Variants in GLIS3 observed in about 807,000 individuals in gnomAD.
GLIS3 encodes GLIS family zinc finger 3, also known as zinc finger protein GLIS3.
Under a neutral mutation model 78.6 loss-of-function variants are expected in GLIS3, and 53 were observed. The observed-to-expected ratio is 0.67, with a 90% confidence interval of 0.54 to 0.85. GLIS3 has a LOEUF of 0.85. GLIS3 is among the 40% of genes least tolerant of loss of function. The probability of loss-of-function intolerance (pLI) is 0.00; values close to 1 mark genes in which losing one functional copy is unlikely to be tolerated. For synonymous variants in GLIS3, 684 were observed against 509.9 expected (o/e 1.34, Z -4.60); for missense variants, 1,703 against 1,231.1 (o/e 1.38, Z -5.74).
At chr9:3,961,596 G>A (rs562725502) in intron 4 of GLIS3, among the ~76,000 whole-genome samples, 175 of 152,332 alleles carry the variant, frequency 1.1e-3, no homozygotes, top group African/African-American at 4.1e-3. Flanking sequence ...GAAACTTGCT[G>A]TGAGGAAATA....
the GLIS3 span, among the ~76,000 whole-genome samples, chr9:4,421,353 A>C: frequency 1.3e-5 from 2 of 152,234 alleles, no homozygotes; most frequent in African/African-American, 4.8e-5. Flanking sequence ...GCTGTCAAGC[A>C]AAAGACATTG....
chr9:3,862,121 G>A (rs1395658015), intron 8 of GLIS3, among the ~76,000 whole-genome samples: 1 of 152,082 alleles, frequency 6.6e-6, no homozygotes, highest in African/African-American at 2.4e-5. Context: ...GTTGGAAAGG[G>A]CACTGGAGCA....
intron 4 of GLIS3, among the ~76,000 whole-genome samples, chr9:3,962,624 A>G (rs945384456): frequency 6.6e-6 from 1 of 152,152 alleles, no homozygotes; most frequent in Admixed American, 6.5e-5. Context: ...CATGCCTTTG[A>G]GCAGTTTTTT....
chr9:4,434,587 G>A, the GLIS3 span, among the ~76,000 whole-genome samples: 2 of 152,172 alleles, frequency 1.3e-5, no homozygotes, highest in African/African-American at 2.4e-5. Flanking sequence ...GGGGGTGATA[G>A]GTGGGTGAGT....
chr9:4,429,325 A>C, the GLIS3 span, among the ~76,000 whole-genome samples: 3 of 146,932 alleles, frequency 2.0e-5, no homozygotes, highest in African/African-American at 5.0e-5. Flanking sequence ...CATGCCCCCA[A>C]CTCTCCCTTA....
rs1817805885 is a variant in GLIS3 at position 3,827,805 on chromosome 9, T to C, written c.*467A>G. ...GACCACACTATGCTTTGGACATGGA[T>C]TTCCCTTGTTGTGCCTGGCTTTGCA... On this transcript the variant is annotated 3_prime_UTR_variant, in exon 11 of 11. Coordinates refer to ENST00000381971, the MANE Select transcript of GLIS3 (RefSeq NM_001042413.2). 1 of 228,918 alleles carries C rather than the reference T, an allele frequency of 4.4e-6. No individual in the cohort carries two copies. The highest frequency in any genetic ancestry group is 6.9e-5 in the South Asian group (1 of 14,410). 14.2% of individuals were successfully genotyped at this position (228,918 alleles called of 1,614,324 possible).
chr9:3,900,186 T>TAA (rs112638097), intron 6 of GLIS3, among the ~76,000 whole-genome samples: 14 of 128,864 alleles, frequency 1.1e-4, no homozygotes, highest in East Asian at 4.4e-4. Context: ...CAGAAACTGT[T>TAA]AAAAAAAAAA....
intron 1 of GLIS3, among the ~76,000 whole-genome samples, chr9:4,291,537 A>G (rs1815977294): frequency 6.6e-6 from 1 of 152,166 alleles, no homozygotes; most frequent in African/African-American, 2.4e-5. Context: ...TTAAATTTAA[A>G]TTAATGGCTA....
intron 4 of GLIS3, among the ~76,000 whole-genome samples, chr9:4,008,183 A>C (rs1017219057): frequency 2.0e-5 from 3 of 152,210 alleles, no homozygotes; most frequent in Non-Finnish European, 4.4e-5. Flanking sequence ...TACACAGCTC[A>C]GAGGGATGCT....
chr9:4,330,500 G>A (rs190076249), intron 2 of GLIS3, among the ~76,000 whole-genome samples: 1 of 152,212 alleles, frequency 6.6e-6, no homozygotes, highest in Non-Finnish European at 1.5e-5. Context: ...AGATCCCAGA[G>A]AAATTAAACA....
chr9:3,830,975 T>A (rs186386023), intron 9 of GLIS3, among the ~76,000 whole-genome samples: 7 of 152,192 alleles, frequency 4.6e-5, no homozygotes, highest in African/African-American at 1.7e-4. Context: ...ATGGTTGTTA[T>A]GAATATTGCC....
rs1196475614 is a variant in GLIS3, at chr9:3,965,179, C to CTTTCT, written c.1711-27995_1711-27991dup. The stretch of plus-strand genomic sequence containing the variant: ...CCTTTACCCTACTTCTTTTCTATTT[C>CTTTCT]TTTCTTTTCTTTTCTTTTTTTTTTT... On this transcript the variant is annotated intron_variant, in intron 4 of 10. Coordinates refer to ENST00000381971, the MANE Select transcript of GLIS3 (RefSeq NM_001042413.2). 6.1e-4 allele frequency among the ~76,000 whole-genome samples: 79 copies of CTTTCT among 129,638 alleles called. No homozygotes were observed. The East Asian group carries it at 0.013, about 22-fold the overall frequency. 85.0% of individuals were successfully genotyped at this position (129,638 alleles called of 152,430 possible). A position where few individuals can be genotyped will look rare whatever the true frequency, so the allele number is the denominator to read the frequency against.
rs752335934 is a variant in GLIS3 at position 4,118,354 on chromosome 9, G to T, written c.1124C>A (p.Ala375Asp). 6.3e-7 allele frequency: 1 copy of T among 1,584,448 alleles called. No individual in the cohort carries two copies. Among genetic ancestry groups the T allele is most frequent in the South Asian group, 1.1e-5 (1 of 88,984 alleles). ...GGCCGGCAGCGCCAGGCCTCCAGGG[G>T]CCACCAGCACGCCCTTCTGGCTGCC... The part of the protein sequence containing the change: ...VPGSQKGVLV[A>D]PGGLALPAYG... The change falls in exon 4 of 11, where the codon GCC (alanine) becomes GAC (aspartate). Residue 375 changes from alanine (A) to aspartate (D), a missense_variant. Ala to Asp is a moderately radical substitution (Grantham distance 126). Coordinates refer to ENST00000381971, the MANE Select transcript of GLIS3 (RefSeq NM_001042413.2). This position sits in a 1 kb window ranked among gnomAD's most constrained non-coding sequence, Gnocchi z 4.7.
intron 4 of GLIS3, chr9:4,071,530 G>A (rs887451694): frequency 2.6e-5 from 4 of 152,186 alleles, no homozygotes; most frequent in African/African-American, 9.7e-5. Flanking sequence ...CTCCATCAAT[G>A]TTTATTTTTC....
chr9:4,227,006 C>G (rs1256652462), intron 2 of GLIS3, among the ~76,000 whole-genome samples: 1 of 152,140 alleles, frequency 6.6e-6, no homozygotes, highest in African/African-American at 2.4e-5. Flanking sequence ...ACAGGAGCAT[C>G]CTGGGAAGGA....
chr9:4,183,271 G>C (rs1444259454), intron 2 of GLIS3, among the ~76,000 whole-genome samples: 1 of 152,038 alleles, frequency 6.6e-6, no homozygotes, highest in Non-Finnish European at 1.5e-5. Flanking sequence ...TGACTGTTGG[G>C]GTCACTTCAG....
chr9:4,432,314 G>T, the GLIS3 span, among the ~76,000 whole-genome samples: 2 of 152,186 alleles, frequency 1.3e-5, no homozygotes, highest in Non-Finnish European at 2.9e-5. Context: ...GATCAGGAAA[G>T]GCCATAGTTG....
the GLIS3 span, among the ~76,000 whole-genome samples, chr9:4,481,755 G>A: frequency 4.6e-5 from 7 of 151,886 alleles, no homozygotes; most frequent in Non-Finnish European, 8.8e-5. Flanking sequence ...TATTTTTTTC[G>A]TTATAAGTTT....
At chr9:4,103,275 G>C (rs1054972858) in intron 4 of GLIS3, among the ~76,000 whole-genome samples, 7 of 152,040 alleles carry the variant, frequency 4.6e-5, no homozygotes, top group African/African-American at 1.7e-4. Context: ...CGTTGGTCAA[G>C]AACAGCACAG....
Sources: allele counts gnomAD v4.1 joint callset (sites outside exome capture counted in the v4.1 genomes callset), GRCh38; gene constraint gnomAD v4.1.1; non-coding constraint Gnocchi (gnomAD v3.1); transcripts MANE v1.5; gene names NCBI Gene and HGNC (gene_info 2026-07-23, HGNC 2026-07-21).